KCTD16: variants seen among roughly 807,000 people sequenced by gnomAD.
KCTD16 encodes the protein potassium channel tetramerization domain containing 16, also known as BTB/POZ domain-containing protein KCTD16.
In KCTD16, 13 loss-of-function variants were observed where a neutral mutation model predicts 33.2. That is an observed-to-expected ratio of 0.39 (90% CI 0.25 to 0.62). KCTD16 has a LOEUF of 0.62. KCTD16 is among the 20% of genes least tolerant of loss of function. KCTD16 has a pLI of 0.50. For synonymous variants in KCTD16, 197 were observed against 195.3 expected (o/e 1.01, Z -0.07); for missense variants, 441 against 525.1 (o/e 0.84, Z 1.57).
At chr5:144,437,913 T>A (rs1753615190) in intron 3 of KCTD16, among the ~76,000 whole-genome samples, 1 of 152,200 alleles carries the variant, frequency 6.6e-6, no homozygotes, top group Non-Finnish European at 1.5e-5. Flanking sequence ...TATCCGCATG[T>A]GGCTATTGGA....
At chr5:144,436,590 CTT>C (rs112607433) in intron 3 of KCTD16, among the ~76,000 whole-genome samples, 8 of 142,320 alleles carry the variant, frequency 5.6e-5, no homozygotes, top group Admixed American at 7.0e-5. Flanking sequence ...TGTTTAACTT[CTT>C]TTTTTTTTTT....
intron 3 of KCTD16, among the ~76,000 whole-genome samples, chr5:144,471,721 T>C (rs1754481054): frequency 6.6e-6 from 1 of 152,234 alleles, no homozygotes. Context: ...GAACAGTTTC[T>C]GTATTGCATG....
At chr5:144,264,913 TA>T (rs200402259) in intron 3 of KCTD16, among the ~76,000 whole-genome samples, 10 of 152,328 alleles carry the variant, frequency 6.6e-5, no homozygotes, top group Admixed American at 1.3e-4. Context: ...ACATGTTTAC[TA>T]AAAAAACTCC....
chr5:144,329,671 T>G (rs539565841), intron 3 of KCTD16, among the ~76,000 whole-genome samples: 2 of 152,308 alleles, frequency 1.3e-5, no homozygotes, highest in South Asian at 4.1e-4. Flanking sequence ...ATTAGTAAAG[T>G]TGGATAGGAA....
At chr5:144,292,473 A>T (rs1019128284) in intron 3 of KCTD16, among the ~76,000 whole-genome samples, 2 of 151,606 alleles carry the variant, frequency 1.3e-5, no homozygotes, top group Admixed American at 6.6e-5. Context: ...TTAAGATGAA[A>T]TTTTTTTTTC....
intron 3 of KCTD16, among the ~76,000 whole-genome samples, chr5:144,442,450 C>CTTTCTTTCTTTCTTTCT (rs1554095073): frequency 3.4e-5 from 5 of 147,762 alleles, no homozygotes; most frequent in African/African-American, 1.3e-4. Context: ...TCTTTTCTTT[C>CTTTCTTTCTTTCTTTCT]TTCTTTCTTT....
At chr5:144,196,056 A>G (rs938093121) in intron 2 of KCTD16, among the ~76,000 whole-genome samples, 2 of 152,232 alleles carry the variant, frequency 1.3e-5, no homozygotes, top group Non-Finnish European at 1.5e-5. Context: ...AAAGCCTAAC[A>G]TAGTTCCTTG....
intron 3 of KCTD16, among the ~76,000 whole-genome samples, chr5:144,401,927 T>C (rs1752712778): frequency 6.6e-6 from 1 of 152,166 alleles, no homozygotes; most frequent in African/African-American, 2.4e-5. Flanking sequence ...TGGATTCCTG[T>C]TCTCTTCATT....
intron 3 of KCTD16, among the ~76,000 whole-genome samples, chr5:144,451,824 C>G (rs1377655315): frequency 1.3e-5 from 2 of 152,078 alleles, no homozygotes; most frequent in East Asian, 3.9e-4. Flanking sequence ...TTTCAATGCC[C>G]TGGCTCAGAA....
intron 2 of KCTD16, among the ~76,000 whole-genome samples, chr5:144,177,967 A>G (rs17101653): frequency 0.15 from 23,173 of 152,184 alleles, 1,933 homozygotes; most frequent in Admixed American, 0.25. Flanking sequence ...TGTTGTCACT[A>G]TTGCAGAGTG....
intron 3 of KCTD16, chr5:144,385,417 A>T (rs1325901297): frequency 2.0e-5 from 3 of 152,048 alleles, no homozygotes; most frequent in South Asian, 4.1e-4. Flanking sequence ...AGCCATGGGG[A>T]TTTATTTTTC....
At chr5:144,209,798 A>ATG (rs1459876076) in intron 3 of KCTD16, among the ~76,000 whole-genome samples, 1 of 145,952 alleles carries the variant, frequency 6.9e-6, no homozygotes, top group Non-Finnish European at 1.5e-5. Context: ...ATATATATAT[A>ATG]TATATATTTA....
chr5:144,364,429 A>T (rs886754188), intron 3 of KCTD16, among the ~76,000 whole-genome samples: 6 of 152,254 alleles, frequency 3.9e-5, no homozygotes, highest in African/African-American at 1.4e-4. Context: ...TAGTCCACTG[A>T]GTTCCAGAAA....
rs1561558198 is a variant in KCTD16 at position 144,299,069 on chromosome 5, TATA to T, written c.832+91524_832+91526del. The stretch of plus-strand genomic sequence containing the variant: ...CTATATATATATATATATATATATA[TATA>T]TTTTTGTATATATATATCACTATGT... On this transcript the variant is annotated intron_variant, in intron 3 of 3. Transcript: ENST00000512467. Among the ~76,000 whole-genome samples, 6 of 80,388 alleles carry T rather than the reference TATA, an allele frequency of 7.5e-5. 1 individual carries two copies. The highest frequency in any genetic ancestry group is 3.2e-4 in the African/African-American group (5 of 15,570). The allele number at this position is 80,388 out of a possible 152,430, so 52.7% of individuals were successfully genotyped here.
intron 3 of KCTD16, among the ~76,000 whole-genome samples, chr5:144,338,966 A>G (rs1752561082): frequency 6.6e-6 from 1 of 152,214 alleles, no homozygotes; most frequent in African/African-American, 2.4e-5. Context: ...GTGCTTTATA[A>G]TGCACTGAAG....
chr5:144,479,364 G>GAAAAAAA lies in KCTD16; in HGVS notation c.*5250_*5251insAAAAAAA, dbSNP rs1408370017. The GAAAAAAA allele has an allele frequency of 1.3e-5, 1 of 79,630 alleles. No homozygotes were observed. The highest frequency in any genetic ancestry group is 2.9e-5 in the Non-Finnish European group (1 of 34,758). 4.9% of individuals were successfully genotyped at this position (79,630 alleles called of 1,614,324 possible). ...GCCAAACTGATGTGTAAGAATAAAT[G>GAAAAAAA]CAAAAAAAAAAAAAAAAGAAAAAGA... On this transcript the variant is annotated 3_prime_UTR_variant, in exon 4 of 4. Coordinates refer to ENST00000512467, the MANE Select transcript of KCTD16 (RefSeq NM_020768.4).
At chr5:144,466,998 T>A (rs1221792440) in intron 3 of KCTD16, among the ~76,000 whole-genome samples, 5 of 47,532 alleles carry the variant, frequency 1.1e-4, no homozygotes, top group African/African-American at 3.2e-4. Flanking sequence ...CTATATATAT[T>A]ATATATATTA....
At chr5:144,194,069 A>G (rs1182489239) in intron 2 of KCTD16, among the ~76,000 whole-genome samples, 1 of 152,204 alleles carries the variant, frequency 6.6e-6, no homozygotes, top group East Asian at 1.9e-4. Context: ...AGCAAGGCCA[A>G]GCATTTAGGT....
chr5:144,463,023 C>A (rs1754236493), intron 3 of KCTD16, among the ~76,000 whole-genome samples: 1 of 152,158 alleles, frequency 6.6e-6, no homozygotes, highest in African/African-American at 2.4e-5. Context: ...TATCACAATG[C>A]ACAATTTATC....
Sources: gnomAD v4.1 joint callset for allele counts (sites outside exome capture counted in the v4.1 genomes callset) on GRCh38, gnomAD v4.1.1 for gene constraint, MANE v1.5 for transcripts, NCBI Gene and HGNC (gene_info 2026-07-23, HGNC 2026-07-21) for gene names.